UBE3D: variants seen among roughly 807,000 people sequenced by gnomAD.
UBE3D encodes ubiquitin protein ligase E3D, also known as E3 ubiquitin-protein ligase E3D.
A neutral mutation model predicts 49.6 loss-of-function variants in UBE3D; 48 were observed. The observed-to-expected ratio is 0.97, with a 90% CI of 0.77 to 1.23. The LOEUF (loss-of-function observed/expected upper bound fraction) is 1.23, where lower values mean the gene tolerates loss of function less well. Among genes scored for constraint, UBE3D ranks in the 50% most tolerant of loss-of-function variants. The pLI is 0.00. For missense variants in UBE3D, 452 were observed against 468.4 expected (o/e 0.96, Z 0.32); for synonymous variants, 189 against 174.2 (o/e 1.08, Z -0.67).
the UBE3D span, among the ~76,000 whole-genome samples, chr6:82,884,930 T>C: frequency 1.3e-5 from 2 of 152,230 alleles, no homozygotes; most frequent in African/African-American, 4.8e-5. Context: ...CCCTGTCAGA[T>C]GCGTGGTCAG....
intron 8 of UBE3D, among the ~76,000 whole-genome samples, chr6:83,001,124 G>A (rs371908245): frequency 9.9e-5 from 15 of 152,162 alleles, no homozygotes; most frequent in African/African-American, 1.9e-4. Context: ...AATTACAGGC[G>A]TGAGCCACTG....
At chr6:82,887,389 G>GTTTTTGTTTTGTTTTGTT in the UBE3D span, among the ~76,000 whole-genome samples, 1,287 of 98,178 alleles carry the variant, frequency 0.013, 34 homozygotes, top group East Asian at 0.025. Context: ...GACAGTAACA[G>GTTTTTGTTTTGTTTTGTT]TTTTTTTTTT....
At chr6:82,964,160 A>G (rs934396064) in intron 8 of UBE3D, among the ~76,000 whole-genome samples, 1 of 152,174 alleles carries the variant, frequency 6.6e-6, no homozygotes, top group African/African-American at 2.4e-5. Context: ...TCCCTAGAGA[A>G]GCAACTACGG....
intron 9 of UBE3D, among the ~76,000 whole-genome samples, chr6:82,914,488 C>T (rs1266633895): frequency 2.0e-5 from 3 of 152,088 alleles, no homozygotes; most frequent in Admixed American, 6.6e-5. Context: ...CAGACACAGA[C>T]GACATGGGGT....
intron 1 of UBE3D, among the ~76,000 whole-genome samples, chr6:83,064,594 T>TTG (rs1216847971): frequency 2.0e-5 from 3 of 151,968 alleles, no homozygotes; most frequent in African/African-American, 7.3e-5. Flanking sequence ...GGAGGGTTTG[T>TTG]TGTGTGTGTG....
intron 8 of UBE3D, among the ~76,000 whole-genome samples, chr6:82,996,817 T>A (rs897103287): frequency 1.3e-5 from 2 of 152,128 alleles, no homozygotes; most frequent in African/African-American, 4.8e-5. Flanking sequence ...GGAAAAACTA[T>A]CATAGTCTAG....
At chr6:83,061,475 C>T (rs1159368179) in intron 1 of UBE3D, among the ~76,000 whole-genome samples, 1 of 152,192 alleles carries the variant, frequency 6.6e-6, no homozygotes, top group Non-Finnish European at 1.5e-5. Flanking sequence ...ATAGTTCATA[C>T]AATAATTTCA....
chr6:82,923,186 T>C lies in UBE3D; in HGVS notation c.1150-30144A>G, dbSNP rs558970631. ...AGGATCTAGAACTAGAAATACTATT[T>C]GACCCAGCAATCCCATTACTGGGTA... On this transcript the variant is annotated intron_variant, in intron 9 of 9. Coordinates refer to ENST00000369747, the MANE Select transcript of UBE3D (RefSeq NM_198920.3). 9.2e-5 allele frequency among the ~76,000 whole-genome samples: 14 copies of C among 152,332 alleles called. No homozygotes were observed. In the East Asian group the frequency reaches 2.5e-3, roughly 27 times the overall value.
intron 9 of UBE3D, among the ~76,000 whole-genome samples, chr6:82,951,496 T>C (rs1435592325): frequency 6.6e-6 from 1 of 152,114 alleles, no homozygotes; most frequent in African/African-American, 2.4e-5. Context: ...CTTATCCTAG[T>C]TGAGTATATT....
intron 8 of UBE3D, among the ~76,000 whole-genome samples, chr6:82,998,321 A>G (rs758761534): frequency 6.6e-6 from 1 of 152,266 alleles, no homozygotes; most frequent in Non-Finnish European, 1.5e-5. Context: ...AGCTGACTTT[A>G]GGATCCAAAG....
intron 9 of UBE3D, among the ~76,000 whole-genome samples, chr6:82,903,527 GT>G (rs1771885510): frequency 6.6e-6 from 1 of 152,116 alleles, no homozygotes; most frequent in African/African-American, 2.4e-5. Context: ...AGTTGAATCA[GT>G]TCAGTAAAAA....
At chr6:83,026,168 C>T (rs146399910) in intron 5 of UBE3D, among the ~76,000 whole-genome samples, 1,566 of 151,926 alleles carry the variant, frequency 0.01, 9 homozygotes, top group South Asian at 0.03. Flanking sequence ...GTGGTGTTGC[C>T]CAGGTACAGT....
the UBE3D span, among the ~76,000 whole-genome samples, chr6:82,881,731 G>T: frequency 2.0e-5 from 3 of 152,142 alleles, no homozygotes; most frequent in Non-Finnish European, 4.4e-5. Flanking sequence ...GTGATTAACA[G>T]TTCATGCGGA....
At chr6:82,967,497 C>A (rs943557565) in intron 8 of UBE3D, among the ~76,000 whole-genome samples, 1 of 152,184 alleles carries the variant, frequency 6.6e-6, no homozygotes, top group African/African-American at 2.4e-5. Context: ...TACCCCCTGG[C>A]AACCACTAAT....
chr6:82,929,241 C>T (rs1773967013), intron 9 of UBE3D, among the ~76,000 whole-genome samples: 1 of 150,762 alleles, frequency 6.6e-6, no homozygotes, highest in African/African-American at 2.4e-5. Context: ...ACTGTGGGCC[C>T]TAATCACATC....
At chr6:82,920,994 T>A (rs1773293744) in intron 9 of UBE3D, among the ~76,000 whole-genome samples, 1 of 148,974 alleles carries the variant, frequency 6.7e-6, no homozygotes, top group Non-Finnish European at 1.5e-5. Context: ...CCAGGCTGGA[T>A]ACCCAGGCTG....
intron 8 of UBE3D, among the ~76,000 whole-genome samples, chr6:83,005,219 A>G (rs994535676): frequency 6.6e-6 from 1 of 152,302 alleles, no homozygotes; most frequent in Non-Finnish European, 1.5e-5. Context: ...ATAACCAACG[A>G]ACACGAAAGG....
intron 4 of UBE3D, among the ~76,000 whole-genome samples, chr6:83,040,308 C>T (rs539113045): frequency 2.0e-5 from 3 of 151,966 alleles, no homozygotes; most frequent in East Asian, 2.0e-4. Flanking sequence ...CACAGGAACC[C>T]GGGAGGGGAA....
At chr6:83,062,735 G>A (rs1784246981) in intron 1 of UBE3D, among the ~76,000 whole-genome samples, 2 of 152,104 alleles carry the variant, frequency 1.3e-5, no homozygotes, top group South Asian at 4.1e-4. Context: ...TATACAGAAA[G>A]ACATAAGAAA....
Sources: gnomAD v4.1 joint callset for allele counts (sites outside exome capture counted in the v4.1 genomes callset) on GRCh38, gnomAD v4.1.1 for gene constraint, MANE v1.5 for transcripts, NCBI Gene and HGNC (gene_info 2026-07-23, HGNC 2026-07-21) for gene names.